PDPR: variants seen among roughly 807,000 people sequenced by gnomAD.
PDPR encodes the protein pyruvate dehydrogenase phosphatase regulatory subunit, also known as pyruvate dehydrogenase phosphatase regulatory subunit, mitochondrial.
In PDPR, 50 loss-of-function variants were observed where a neutral mutation model predicts 102.2. The observed-to-expected ratio is 0.49, with a 90% confidence interval of 0.39 to 0.62. The LOEUF is 0.62. PDPR is among the 20% of genes least tolerant of loss of function. PDPR has a pLI of 0.00. For synonymous variants in PDPR, 259 were observed against 406.0 expected, an observed-to-expected ratio of 0.64 and a Z score of 4.35; for missense variants, 625 against 1,098.2, an observed-to-expected ratio of 0.57 and a Z score of 6.09.
chr16:70,133,364 C>T (rs1429872557), intron 9 of PDPR, among the ~76,000 whole-genome samples: 3 of 150,760 alleles, frequency 2.0e-5, no homozygotes, highest in African/African-American at 4.9e-5. Context: ...TCAGGTGATC[C>T]GCCTGCCTCA....
In PDPR at chr16:70,130,985, A is replaced by G. The variant is rs1185668575; in HGVS notation, c.730-317A>G. Among the ~76,000 whole-genome samples the G allele has an allele frequency of 2.0e-3, 310 of 152,260 alleles. 1 individual carries two copies. Among genetic ancestry groups the G allele is most frequent in the Non-Finnish European group, 3.3e-3 (222 of 67,946 alleles). ...ACTAAGAAATACTTTTGCCATGTGA[A>G]GTTCATTTAGTGATTGCTATTTGGG... On this transcript the variant is annotated intron_variant, in intron 7 of 18. Coordinates refer to ENST00000288050, the MANE Select transcript of PDPR (RefSeq NM_017990.5).
rs746584856 is a variant in PDPR, at chr16:70,130,477, A to G, written c.662A>G (p.Gln221Arg). ...CTTCATGTAATGGTCAAAAAAGGTC[A>G]AGTTACTGGAGTGGAGACCGATAAA... is the stretch of plus-strand genomic sequence containing the variant. ...SVLHVMVKKG[Q>R]VTGVETDKGQ... The change falls in exon 7 of 19, where the codon CAA (glutamine) becomes CGA (arginine). Residue 221 changes from glutamine (Q) to arginine (R), a missense_variant. Physicochemically the swap from Gln to Arg is conservative, Grantham distance 43. Coordinates refer to ENST00000288050, the MANE Select transcript of PDPR (RefSeq NM_017990.5). The G allele has an allele frequency of 6.2e-7, 1 of 1,613,762 alleles. No homozygotes were observed. The highest frequency in any genetic ancestry group is 8.5e-7 in the Non-Finnish European group (1 of 1,179,784).
intron 18 of PDPR, chr16:70,156,230 G>A (rs1967168430): frequency 9.0e-6 from 5 of 554,658 alleles, no homozygotes; most frequent in Admixed American, 3.4e-5. Flanking sequence ...GTGACTTTAT[G>A]TTTATAAAAT....
intron 11 of PDPR, among the ~76,000 whole-genome samples, chr16:70,140,824 T>TA (rs552980966): frequency 0.016 from 2,416 of 147,782 alleles, 7 homozygotes; most frequent in South Asian, 0.027. Flanking sequence ...CAACAAAAAA[T>TA]AAAAAAAAAA....
At position 70,114,387 on chromosome 16, in the gene PDPR, C is replaced by T. The variant is rs552430460; in HGVS notation, c.-196C>T. 3 of 152,238 alleles carry T rather than the reference C, an allele frequency of 2.0e-5. No homozygotes were observed. Among genetic ancestry groups the T allele is most frequent in the African/African-American group, 7.2e-5 (3 of 41,454 alleles). 9.4% of individuals were successfully genotyped at this position (152,238 alleles called of 1,614,324 possible). ...GACCCCAGGCAACTGTTGTGGCTGC[C>T]GCATTGCTCCCGCCGGGCTGTAGCT... On this transcript the variant is annotated 5_prime_UTR_variant, in exon 1 of 19. Transcript: ENST00000288050.
chr16:70,145,766 T>G (rs548889453), intron 15 of PDPR: 157 of 468,354 alleles, frequency 3.4e-4, no homozygotes, highest in South Asian at 1.1e-3. Context: ...TTAGGATATG[T>G]TTGAAGTGGA....
chr16:70,147,619 T>C (rs1400453792), intron 16 of PDPR: 1 of 449,872 alleles, frequency 2.2e-6, no homozygotes, highest in Non-Finnish European at 4.4e-6. Context: ...AAGCTGCTGA[T>C]TAGAGAGGGC....
chr16:70,150,485 C>G (rs980744959), intron 17 of PDPR, among the ~76,000 whole-genome samples: 1 of 151,508 alleles, frequency 6.6e-6, no homozygotes, highest in African/African-American at 2.4e-5. Flanking sequence ...TGCTTGTTTT[C>G]TTCTTGATGT....
chr16:70,139,969 A>G (rs1372771400), intron 11 of PDPR, among the ~76,000 whole-genome samples: 2 of 152,214 alleles, frequency 1.3e-5, no homozygotes, highest in Non-Finnish European at 2.9e-5. Flanking sequence ...ATGTACATCC[A>G]TGGAGATGAA....
chr16:70,117,528 A>C (rs1359431232), intron 2 of PDPR, among the ~76,000 whole-genome samples: 1 of 151,932 alleles, frequency 6.6e-6, no homozygotes, highest in Non-Finnish European at 1.5e-5. Context: ...AAAAAAAATA[A>C]ATAAGATGTC....
Position 70,153,499 on chromosome 16 carries a change from T to G in PDPR, c.2161T>G (p.Phe721Val), listed in dbSNP as rs200724918. 1 of 1,613,056 alleles carries G rather than the reference T, an allele frequency of 6.2e-7. No individual in the cohort carries two copies. Among genetic ancestry groups the G allele is most frequent in the East Asian group, 2.2e-5 (1 of 44,860 alleles). The change falls in exon 18 of 19, where the codon TTC becomes GTC. Residue 721 changes from phenylalanine (F) to valine (V), a missense_variant. By Grantham distance (50) the Phe-to-Val change is conservative. This residue lies in a region of PDPR where 303 missense variants were observed against 258.9 expected (regional missense o/e 1.17). Transcript: ENST00000288050. ...RSLRIEKFFAFWGQDINNLTT... is the reference protein window; with the variant it reads ...RSLRIEKFFAVWGQDINNLTT... ...TCTCCGAATTGAGAAGTTTTTTGCC[T>G]TCTGGGGTCAGGATATAAATAACCT...
Position 70,156,903 on chromosome 16 carries a change from C to G in PDPR, c.*24C>G. ...GATGCCACCAGGGCAGCCTCACCTC[C>G]TCCCCATCATCTTGTCCTAGAGTGG... On this transcript the variant is annotated 3_prime_UTR_variant, in exon 19 of 19. Transcript: ENST00000288050. 3 of 1,608,512 alleles carry G rather than the reference C, an allele frequency of 1.9e-6. No individual in the cohort carries two copies. The highest frequency in any genetic ancestry group is 2.5e-6 in the Non-Finnish European group (3 of 1,177,458).
intron 9 of PDPR, among the ~76,000 whole-genome samples, chr16:70,134,942 A>C (rs969587011): frequency 1.3e-5 from 2 of 152,228 alleles, no homozygotes; most frequent in African/African-American, 4.8e-5. Flanking sequence ...AGTGGATAGA[A>C]GCTGGGCACA....
Position 70,142,276 on chromosome 16 carries a change from C to A in PDPR, c.1358C>A (p.Thr453Asn). Residue 453 changes from threonine (T) to asparagine (N), a missense_variant, in exon 12 of 19, where the codon ACC becomes AAC. Transcript: ENST00000288050. ...DLKVPRWDFQ[T>N]GRQLRTSPLY... ...AAGGTTCCCCGCTGGGACTTCCAGA[C>A]CGGTAGGCAGTTACGCACCTCTCCT... 1 of 1,614,032 alleles carries A rather than the reference C, an allele frequency of 6.2e-7. No individual in the cohort carries two copies. The highest frequency in any genetic ancestry group is 8.5e-7 in the Non-Finnish European group (1 of 1,179,876).
intron 11 of PDPR, among the ~76,000 whole-genome samples, chr16:70,140,601 T>C (rs1312881685): frequency 2.0e-5 from 3 of 152,148 alleles, no homozygotes; most frequent in Non-Finnish European, 2.9e-5. Context: ...GGCGGATCAC[T>C]TGAGGTCAGG....
In PDPR at chr16:70,121,726, A is replaced by T. The variant is rs757109817; in HGVS notation, c.227+1007A>T. 3.4e-4 allele frequency among the ~76,000 whole-genome samples: 51 copies of T among 150,710 alleles called. 1 individual carries two copies. Among genetic ancestry groups the T allele is most frequent in the Middle Eastern group, 3.6e-3 (1 of 280 alleles). On this transcript the variant is annotated intron_variant, in intron 3 of 18. Transcript: ENST00000288050. The stretch of plus-strand genomic sequence containing the variant: ...AAAAGAATACAGGCCTTTGACTCTG[A>T]TAATTCTCAACCTGTGTTTAGCTAA...
chr16:70,131,843 C>G (rs202188872), intron 8 of PDPR: 8 of 1,387,316 alleles, frequency 5.8e-6, no homozygotes, highest in Non-Finnish European at 7.6e-6. Flanking sequence ...CAACCCCCCT[C>G]TCTGTTAAAC....
intron 2 of PDPR, among the ~76,000 whole-genome samples, chr16:70,119,521 C>T (rs1460863007): frequency 6.7e-6 from 1 of 149,210 alleles, no homozygotes; most frequent in African/African-American, 2.5e-5. Context: ...CTTAGATCAT[C>T]TCCCCACACT....
intron 11 of PDPR, among the ~76,000 whole-genome samples, chr16:70,141,273 T>C (rs11641615): frequency 0.033 from 4,930 of 148,416 alleles, no homozygotes; most frequent in East Asian, 0.047. Context: ...AGGCTGATCT[T>C]GAACTCCTGA....
Sources: allele counts gnomAD v4.1 joint callset (sites outside exome capture counted in the v4.1 genomes callset), GRCh38; gene constraint gnomAD v4.1.1; regional missense constraint gnomAD v4.1.1; transcripts MANE v1.5; gene names NCBI Gene and HGNC (gene_info 2026-07-23, HGNC 2026-07-21).